MAML3: variants seen among roughly 807,000 people sequenced by gnomAD.
MAML3 encodes the protein mastermind like transcriptional coactivator 3.
MAML3 carries 27 observed loss-of-function variants against 101.9 expected under a neutral mutation model. The observed-to-expected ratio is 0.27, with a 90% CI of 0.20 to 0.37. The LOEUF is 0.37. Among genes scored for constraint, MAML3 ranks in the 10% least tolerant of loss-of-function variants. The pLI is 1.00. For missense variants in MAML3, 1,316 were observed against 1,444.9 expected (o/e 0.91, Z 1.45); for synonymous variants, 501 against 555.9 (o/e 0.90, Z 1.39).
intron 1 of MAML3, among the ~76,000 whole-genome samples, chr4:140,122,220 C>CTTTTTTTTTTTTTTTTTTTTTTTTTTTT (rs369602172): frequency 8.0e-6 from 1 of 124,614 alleles, no homozygotes. Flanking sequence ...TCAAACGAGA[C>CTTTTTTTTTTTTTTTTTTTTTTTTTTTT]TTTTTTTTTT....
At chr4:140,041,164 T>C (rs905198385) in intron 1 of MAML3, among the ~76,000 whole-genome samples, 1 of 152,198 alleles carries the variant, frequency 6.6e-6, no homozygotes, top group African/African-American at 2.4e-5. Flanking sequence ...TACAGAGGTA[T>C]CTGAATTTTT....
chr4:139,846,504 C>T (rs868544037), intron 2 of MAML3, among the ~76,000 whole-genome samples: 2 of 152,104 alleles, frequency 1.3e-5, no homozygotes, highest in South Asian at 2.1e-4. Context: ...TGCACCACCA[C>T]ACCAGGATAA....
chr4:139,905,047 G>A (rs1732795535), intron 1 of MAML3, among the ~76,000 whole-genome samples: 1 of 152,218 alleles, frequency 6.6e-6, no homozygotes, highest in African/African-American at 2.4e-5. Flanking sequence ...AGAGTGTAGG[G>A]CAGAAGTGTG....
At chr4:140,028,931 T>G (rs1440163879) in intron 1 of MAML3, among the ~76,000 whole-genome samples, 2 of 152,354 alleles carry the variant, frequency 1.3e-5, no homozygotes, top group East Asian at 3.9e-4. Flanking sequence ...TTCTCCTTTT[T>G]TTCCTTCTAT....
intron 1 of MAML3, among the ~76,000 whole-genome samples, chr4:140,069,076 A>G (rs185325368): frequency 1.3e-5 from 2 of 152,344 alleles, no homozygotes; most frequent in East Asian, 3.9e-4. Context: ...AGCTTTTAGA[A>G]AAATCAGGTT....
chr4:140,134,725 A>G (rs189280269), intron 1 of MAML3, among the ~76,000 whole-genome samples: 1 of 152,208 alleles, frequency 6.6e-6, no homozygotes, highest in Admixed American at 6.5e-5. Flanking sequence ...AACCCCACCA[A>G]CCTTCATGGG....
intron 2 of MAML3, among the ~76,000 whole-genome samples, chr4:139,778,982 C>CA (rs67782985): frequency 0.026 from 2,652 of 100,440 alleles, 40 homozygotes; most frequent in African/African-American, 0.029. Context: ...GACTCCACCT[C>CA]AAAAAAAAAA....
chr4:139,989,898 G>C (rs1734632400), intron 1 of MAML3, among the ~76,000 whole-genome samples: 1 of 150,914 alleles, frequency 6.6e-6, no homozygotes, highest in Admixed American at 6.6e-5. Context: ...GAGAGAGAGA[G>C]AGAAAGAGAG....
intron 1 of MAML3, among the ~76,000 whole-genome samples, chr4:140,149,583 C>T (rs1419859798): frequency 1.3e-5 from 2 of 152,178 alleles, no homozygotes; most frequent in Non-Finnish European, 2.9e-5. Context: ...TTTAGTACTT[C>T]GGACATATTG....
intron 1 of MAML3, among the ~76,000 whole-genome samples, chr4:140,151,060 G>A (rs1367750798): frequency 1.3e-5 from 2 of 152,104 alleles, no homozygotes; most frequent in African/African-American, 4.8e-5. Flanking sequence ...GCAGGGCCAC[G>A]GGGCGCAGCA....
chr4:139,965,829 A>C lies in MAML3; in HGVS notation c.469-74862T>G, dbSNP rs115312785. Among the ~76,000 whole-genome samples the C allele has an allele frequency of 6.1e-3, 930 of 152,314 alleles. 11 individuals are homozygous for C. Among genetic ancestry groups the C allele is most frequent in the African/African-American group, 0.02 (832 of 41,570 alleles). On this transcript the variant is annotated intron_variant, in intron 1 of 4. Transcript: ENST00000509479. ...GGATAGCCAAGAACCCCTGGGCTCAAGGGATCCTCCCGTGTAGCTGGGACT... is the reference window on the plus strand; with the variant it reads ...GGATAGCCAAGAACCCCTGGGCTCACGGGATCCTCCCGTGTAGCTGGGACT...
intron 1 of MAML3, among the ~76,000 whole-genome samples, chr4:139,973,230 T>C (rs1734262173): frequency 6.6e-6 from 1 of 152,192 alleles, no homozygotes; most frequent in African/African-American, 2.4e-5. Flanking sequence ...GGGTCACTAA[T>C]ATTGGGCTTT....
At chr4:139,925,461 C>T (rs1578599825) in intron 1 of MAML3, among the ~76,000 whole-genome samples, 1 of 152,174 alleles carries the variant, frequency 6.6e-6, no homozygotes, top group Admixed American at 6.5e-5. Context: ...AACTCCTGAC[C>T]TCAGGCAATC....
In MAML3 at chr4:139,969,724, G is replaced by A. The variant is rs1036607632; in HGVS notation, c.469-78757C>T. On this transcript the variant is annotated intron_variant, in intron 1 of 4. Coordinates refer to ENST00000509479, the MANE Select transcript of MAML3 (RefSeq NM_018717.5). Reference sequence around the variant, plus strand: ...AGACTCCCCTTCAAATATTCATAGGGCCTACTGTAGATGAGAAAAGCATGC... The same window carrying A: ...AGACTCCCCTTCAAATATTCATAGGACCTACTGTAGATGAGAAAAGCATGC... 2.0e-5 allele frequency among the ~76,000 whole-genome samples: 3 copies of A among 151,980 alleles called. No individual in the cohort carries two copies. The East Asian group carries it at 5.8e-4, about 29-fold the overall frequency.
chr4:140,045,287 C>T (rs531087949), intron 1 of MAML3, among the ~76,000 whole-genome samples: 23 of 150,996 alleles, frequency 1.5e-4, no homozygotes, highest in South Asian at 6.3e-4. Flanking sequence ...CCCAGCTACT[C>T]GGGAGGCTGA....
At chr4:140,090,821 C>G (rs1416085464) in intron 1 of MAML3, among the ~76,000 whole-genome samples, 1 of 152,178 alleles carries the variant, frequency 6.6e-6, no homozygotes, top group Non-Finnish European at 1.5e-5. Context: ...GAGGCTGACG[C>G]TGGCAGATAA....
intron 2 of MAML3, among the ~76,000 whole-genome samples, chr4:139,838,045 T>C (rs999849709): frequency 4.6e-5 from 7 of 152,048 alleles, no homozygotes; most frequent in African/African-American, 1.7e-4. Context: ...ATAAGCTGGC[T>C]GGGAGATCTA....
chr4:139,920,054 A>T (rs1341785697), intron 1 of MAML3, among the ~76,000 whole-genome samples: 1 of 152,214 alleles, frequency 6.6e-6, no homozygotes, highest in Non-Finnish European at 1.5e-5. Context: ...ACCTAAATAA[A>T]CTTGGTTGCG....
chr4:139,965,801 C>T (rs996181468), intron 1 of MAML3, among the ~76,000 whole-genome samples: 3 of 151,896 alleles, frequency 2.0e-5, no homozygotes, highest in Non-Finnish European at 4.4e-5. Context: ...GCTATGTTGT[C>T]CTGGATAGCC....
Sources: gnomAD v4.1 joint callset for allele counts (sites outside exome capture counted in the v4.1 genomes callset) on GRCh38, gnomAD v4.1.1 for gene constraint, MANE v1.5 for transcripts, NCBI Gene and HGNC (gene_info 2026-07-23, HGNC 2026-07-21) for gene names.